PDLIM1: variants seen among roughly 807,000 people sequenced by gnomAD.
The protein encoded by PDLIM1 is PDZ and LIM domain 1, also known as PDZ and LIM domain protein 1.
In PDLIM1, 25 loss-of-function variants were observed where a neutral mutation model predicts 35.2. That is an observed-to-expected ratio of 0.71 (90% CI 0.52 to 0.99). The LOEUF is 0.99. Among genes scored for constraint, PDLIM1 ranks in the 50% least tolerant of loss-of-function variants. The pLI is 0.00. For missense variants in PDLIM1, 363 were observed against 415.3 expected (o/e 0.87, Z 1.09); for synonymous variants, 152 against 154.0 (o/e 0.99, Z 0.10).
intron 5 of PDLIM1, among the ~76,000 whole-genome samples, chr10:95,239,007 T>A (rs2035151524): frequency 1.0e-5 from 1 of 98,518 alleles, no homozygotes; most frequent in Non-Finnish European, 2.4e-5. Flanking sequence ...ATGGTACTGG[T>A]AGAAGAACAG....
chr10:95,257,014 G>GA (rs371593614), intron 4 of PDLIM1, among the ~76,000 whole-genome samples: 10 of 109,570 alleles, frequency 9.1e-5, no homozygotes, highest in Non-Finnish European at 1.3e-4. Flanking sequence ...AAGAAAGAAA[G>GA]AAAGAAAGAA....
intron 4 of PDLIM1, among the ~76,000 whole-genome samples, chr10:95,258,828 TA>T (rs1343761676): frequency 6.6e-6 from 1 of 150,384 alleles, no homozygotes; most frequent in Non-Finnish European, 1.5e-5. Flanking sequence ...TTTAACACAA[TA>T]AAAAAAGACA....
chr10:95,269,654 T>C (rs2035445993), intron 2 of PDLIM1, among the ~76,000 whole-genome samples: 1 of 152,182 alleles, frequency 6.6e-6, no homozygotes, highest in Admixed American at 6.5e-5. Context: ...GCAATGATTT[T>C]ACTTTAGTCT....
At chr10:95,260,418 G>A (rs1037720217) in intron 4 of PDLIM1, among the ~76,000 whole-genome samples, 1 of 152,134 alleles carries the variant, frequency 6.6e-6, no homozygotes, top group Non-Finnish European at 1.5e-5. Flanking sequence ...AGAGAACAGA[G>A]GAAAGGTGCT....
At chr10:95,243,178 C>A (rs2035192460) in intron 5 of PDLIM1, among the ~76,000 whole-genome samples, 1 of 152,192 alleles carries the variant, frequency 6.6e-6, no homozygotes, top group Admixed American at 6.5e-5. Context: ...GCCTGCCCAA[C>A]AGAAGACTCA....
intron 4 of PDLIM1, among the ~76,000 whole-genome samples, chr10:95,252,089 T>C (rs1481125986): frequency 6.6e-6 from 1 of 152,204 alleles, no homozygotes; most frequent in Non-Finnish European, 1.5e-5. Flanking sequence ...GGGTCCAGAC[T>C]TCTAGTCTCA....
chr10:95,242,167 T>A (rs1189075430), intron 5 of PDLIM1, among the ~76,000 whole-genome samples: 2 of 152,102 alleles, frequency 1.3e-5, no homozygotes, highest in African/African-American at 4.8e-5. Context: ...GAAGACTCAG[T>A]TCTGCCCCAC....
intron 1 of PDLIM1, among the ~76,000 whole-genome samples, chr10:95,282,008 A>T (rs1211211853): frequency 6.6e-6 from 1 of 152,234 alleles, no homozygotes; most frequent in Non-Finnish European, 1.5e-5. Flanking sequence ...ATGTGTAACT[A>T]AGTGAAAGAC....
chr10:95,272,073 A>G (rs1378943554), intron 1 of PDLIM1, among the ~76,000 whole-genome samples: 1 of 152,170 alleles, frequency 6.6e-6, no homozygotes, highest in Non-Finnish European at 1.5e-5. Flanking sequence ...ACCCAGGATC[A>G]CCCAACTAGT....
chr10:95,249,173 A>G (rs1406309908), intron 4 of PDLIM1, among the ~76,000 whole-genome samples: 1 of 152,228 alleles, frequency 6.6e-6, no homozygotes, highest in Non-Finnish European at 1.5e-5. Context: ...CGAACACTGC[A>G]GAATGGGTCC....
chr10:95,261,797 T>A (rs931883627), intron 4 of PDLIM1, among the ~76,000 whole-genome samples: 1 of 151,950 alleles, frequency 6.6e-6, no homozygotes, highest in Non-Finnish European at 1.5e-5. Flanking sequence ...TCACCTGAGG[T>A]CGGGAGTTTG....
intron 2 of PDLIM1, among the ~76,000 whole-genome samples, chr10:95,270,640 C>T (rs370208785): frequency 4.3e-4 from 66 of 152,276 alleles, no homozygotes; most frequent in African/African-American, 1.5e-3. Context: ...TGTCATGTAC[C>T]TAAAGTTACA....
intron 4 of PDLIM1, among the ~76,000 whole-genome samples, chr10:95,258,020 ACAAT>A (rs1275256492): frequency 6.6e-6 from 1 of 152,220 alleles, no homozygotes; most frequent in Non-Finnish European, 1.5e-5. Context: ...GGGTGGCCTC[ACAAT>A]CATGGTGGAA....
chr10:95,266,152 G>A (rs2035415058), intron 3 of PDLIM1, among the ~76,000 whole-genome samples: 1 of 151,912 alleles, frequency 6.6e-6, no homozygotes, highest in South Asian at 2.1e-4. Flanking sequence ...AGCCAAGACT[G>A]CACCATTGCA....
chr10:95,244,769 A>G (rs2035204751), intron 5 of PDLIM1, among the ~76,000 whole-genome samples: 1 of 152,164 alleles, frequency 6.6e-6, no homozygotes, highest in Admixed American at 6.5e-5. Context: ...GCATGGTGGT[A>G]CACATCTGTA....
In PDLIM1 at chr10:95,264,014, G is replaced by A. The variant is rs756605593; in HGVS notation, c.383C>T (p.Thr128Ile). 6.2e-7 allele frequency: 1 copy of A among 1,613,844 alleles called. No individual in the cohort carries two copies. The highest frequency in any genetic ancestry group is 8.5e-7 in the Non-Finnish European group (1 of 1,179,872). Reference sequence around the variant, plus strand: ...AGTAGTGCTGGAGGCAGGCGAGGCGGTAAAGGGCATGGCACTTCGGTTGTG... The same window carrying A: ...AGTAGTGCTGGAGGCAGGCGAGGCGATAAAGGGCATGGCACTTCGGTTGTG... ...SAHNRSAMPFTASPASSTTAR... is the reference protein window; with the variant it reads ...SAHNRSAMPFIASPASSTTAR... Residue 128 changes from threonine to isoleucine, a missense_variant, in exon 4 of 7, where the codon ACC becomes ATC. Coordinates refer to ENST00000329399, the MANE Select transcript of PDLIM1 (RefSeq NM_020992.4).
chr10:95,249,613 T>C (rs1373374545), intron 4 of PDLIM1, among the ~76,000 whole-genome samples: 2 of 152,090 alleles, frequency 1.3e-5, no homozygotes, highest in East Asian at 1.9e-4. Flanking sequence ...ATTTCCAGGG[T>C]ATATGTTTTC....
Position 95,281,105 on chromosome 10 carries a change from C to G in PDLIM1, c.97-9321G>C, listed in dbSNP as rs184398669. ...TGACTATCTTTTCCCCTTAAACTCT[C>G]TCCCTGAATGAAGTTAAAGTCATCA... On this transcript the variant is annotated intron_variant, in intron 1 of 6. Coordinates refer to ENST00000329399, the MANE Select transcript of PDLIM1 (RefSeq NM_020992.4). 3.4e-3 allele frequency among the ~76,000 whole-genome samples: 523 copies of G among 152,274 alleles called. 4 individuals carry two copies. The highest frequency in any genetic ancestry group is 0.012 in the African/African-American group (511 of 41,546).
chr10:95,276,921 A>AAC lies in PDLIM1; in HGVS notation c.97-5138_97-5137insGT, dbSNP rs1554833286. Among the ~76,000 whole-genome samples the AAC allele has an allele frequency of 4.7e-3, 621 of 132,708 alleles. 30 individuals carry two copies. Among genetic ancestry groups the AAC allele is most frequent in the Non-Finnish European group, 7.6e-3 (450 of 59,058 alleles). 87.1% of individuals were successfully genotyped at this position (132,708 alleles called of 152,430 possible). A position where few individuals can be genotyped will look rare whatever the true frequency, so the allele number is the denominator to read the frequency against. On this transcript the variant is annotated intron_variant, in intron 1 of 6. Transcript: ENST00000329399. ...TAAAAAAAAAAAAAAAAAAAAAAAA[A>AAC]AAACTTCTGGGCCAGGCATGGTGGC...
Sources: allele counts gnomAD v4.1 joint callset (sites outside exome capture counted in the v4.1 genomes callset), GRCh38; gene constraint gnomAD v4.1.1; transcripts MANE v1.5; gene names NCBI Gene and HGNC (gene_info 2026-07-23, HGNC 2026-07-21).